Variants in C9 observed in about 807,000 individuals in gnomAD.
C9 encodes the protein complement component C9.
C9 carries 63 observed loss-of-function variants against 65.4 expected under a neutral mutation model. The observed-to-expected ratio is 0.96, with a 90% confidence interval of 0.79 to 1.19. C9 has a LOEUF of 1.19. Among genes scored for constraint, C9 ranks in the 50% most tolerant of loss-of-function variants. The probability of loss-of-function intolerance (pLI) is 0.00; values close to 1 mark genes in which losing one functional copy is unlikely to be tolerated. For synonymous variants in C9, 229 were observed against 227.9 expected, an observed-to-expected ratio of 1.00 and a Z score of -0.04; for missense variants, 744 against 670.1, an observed-to-expected ratio of 1.11 and a Z score of -1.22.
chr5:39,341,999 G>T, intron 2 of C9, 92 bp downstream of exon 2: 1 of 824,036 alleles, frequency 1.2e-6, no homozygotes. Context: ...ACTCAGTTGT[G>T]GGGCTCCCTG....
intron 9 of C9, among the ~76,000 whole-genome samples, chr5:39,304,001 T>C (rs1179084734): frequency 6.6e-6 from 1 of 152,206 alleles, no homozygotes; most frequent in Non-Finnish European, 1.5e-5. Flanking sequence ...TTAATCTTTT[T>C]AAAATGTGTG....
At chr5:39,295,030 C>A (rs959167002) in intron 9 of C9, among the ~76,000 whole-genome samples, 48 of 151,794 alleles carry the variant, frequency 3.2e-4, no homozygotes, top group African/African-American at 1.1e-3. Context: ...GATACAAATT[C>A]TCGATAAATT....
At chr5:39,305,037 A>G (rs976548526) in intron 9 of C9, among the ~76,000 whole-genome samples, 1 of 152,178 alleles carries the variant, frequency 6.6e-6, no homozygotes, top group Admixed American at 6.6e-5. Context: ...AGATGAGAAA[A>G]TAAGCCTCCT....
chr5:39,313,369 C>G (rs1436047513), intron 6 of C9, among the ~76,000 whole-genome samples: 1 of 151,860 alleles, frequency 6.6e-6, no homozygotes, highest in Admixed American at 6.6e-5. Context: ...AGCCTATGAT[C>G]ACTTCTTAGC....
At chr5:39,298,926 T>C (rs1753234355) in intron 9 of C9, among the ~76,000 whole-genome samples, 1 of 151,832 alleles carries the variant, frequency 6.6e-6, no homozygotes, top group South Asian at 2.1e-4. Context: ...CATAACAACT[T>C]ATTAAAAGTG....
chr5:39,324,913 G>A (rs1753723858), intron 5 of C9, among the ~76,000 whole-genome samples: 12 of 152,096 alleles, frequency 7.9e-5, no homozygotes, highest in Admixed American at 7.9e-4. Context: ...TGTTCTAGGA[G>A]GCCAGACATA....
intron 10 of C9, among the ~76,000 whole-genome samples, chr5:39,287,586 A>G (rs644771): frequency 0.4 from 60,381 of 151,854 alleles, 13,386 homozygotes; most frequent in Middle Eastern, 0.59. Context: ...ATGTCCATCA[A>G]TGGATGATTG....
chr5:39,345,909 T>G (rs201963062), intron 1 of C9, among the ~76,000 whole-genome samples: 1 of 152,058 alleles, frequency 6.6e-6, no homozygotes, highest in Non-Finnish European at 1.5e-5. Flanking sequence ...ACAACCTGCT[T>G]CTGAATGACT....
intron 4 of C9, among the ~76,000 whole-genome samples, chr5:39,337,380 G>A (rs1362463835): frequency 1.3e-5 from 2 of 152,190 alleles, no homozygotes; most frequent in Non-Finnish European, 2.9e-5. Context: ...GCACAACAAA[G>A]GAAGAAATGT....
intron 4 of C9, among the ~76,000 whole-genome samples, chr5:39,335,610 A>T (rs892924705): frequency 6.6e-6 from 1 of 152,196 alleles, no homozygotes; most frequent in African/African-American, 2.4e-5. Context: ...GTACATAGGT[A>T]TGTGCGAATA....
intron 7 of C9, among the ~76,000 whole-genome samples, chr5:39,308,973 T>C (rs113511039): frequency 2.6e-5 from 4 of 152,178 alleles, no homozygotes; most frequent in Admixed American, 6.6e-5. Flanking sequence ...TCATCCTTAA[T>C]GTAGCTGGTT....
intron 9 of C9, among the ~76,000 whole-genome samples, chr5:39,303,378 A>G (rs1023398443): frequency 1.3e-5 from 2 of 152,134 alleles, no homozygotes; most frequent in African/African-American, 4.8e-5. Context: ...ACATTCCTCA[A>G]GAAGTGGTTT....
intron 1 of C9, among the ~76,000 whole-genome samples, chr5:39,356,041 G>C (rs1012911161): frequency 1.3e-5 from 2 of 152,114 alleles, no homozygotes; most frequent in African/African-American, 4.8e-5. Context: ...GCAGAGGATG[G>C]GGGGAGATCA....
intron 9 of C9, among the ~76,000 whole-genome samples, chr5:39,301,407 A>AT (rs1256181624): frequency 6.6e-6 from 1 of 152,038 alleles, no homozygotes; most frequent in Non-Finnish European, 1.5e-5. Context: ...GAAAAAAAAA[A>AT]GGTTAAGGGA....
intron 1 of C9, among the ~76,000 whole-genome samples, chr5:39,351,040 C>T (rs774339244): frequency 1.4e-4 from 21 of 152,176 alleles, no homozygotes; most frequent in Non-Finnish European, 3.1e-4. Context: ...AGGTTGAGGT[C>T]CCCAACCTCA....
Position 39,285,018 on chromosome 5 carries a change from A to T in C9, c.*181T>A, listed in dbSNP as rs1752964978. The T allele has an allele frequency of 1.7e-6, 1 of 588,632 alleles. No homozygotes were observed. Among genetic ancestry groups the T allele is most frequent in the Non-Finnish European group, 3.1e-6 (1 of 325,686 alleles). The allele number at this position is 588,632 out of a possible 1,614,324, so 36.5% of individuals were successfully genotyped here. A position where few individuals can be genotyped will look rare whatever the true frequency, so the allele number is the denominator to read the frequency against. ...GAACAAAAAATGGAAACATCACAGG[A>T]GTTTAAGGAAGAAAAATTTAAAAAA... is the stretch of plus-strand genomic sequence containing the variant. On this transcript the variant is annotated 3_prime_UTR_variant, in exon 11 of 11. Coordinates refer to ENST00000263408, the MANE Select transcript of C9 (RefSeq NM_001737.5).
chr5:39,346,803 C>T (rs1176746719), intron 1 of C9, among the ~76,000 whole-genome samples: 3 of 152,196 alleles, frequency 2.0e-5, no homozygotes, highest in African/African-American at 2.4e-5. Context: ...TCCAGCAACA[C>T]ATCAAAAAGC....
intron 5 of C9, among the ~76,000 whole-genome samples, chr5:39,320,511 A>C (rs903089031): frequency 5.9e-5 from 9 of 152,192 alleles, no homozygotes; most frequent in Admixed American, 5.9e-4. Flanking sequence ...GAAATAGTGA[A>C]GAAGTCCTGT....
rs139844773 is a variant in C9 at position 39,284,803 on chromosome 5, G to T, written c.*396C>A. The stretch of plus-strand genomic sequence containing the variant: ...TAACAATGTAAATAAGAGTTAAATT[G>T]CATGGTACAGACGTGTGGTCATGGA... On this transcript the variant is annotated 3_prime_UTR_variant, in exon 11 of 11. Transcript: ENST00000263408. 4.5e-4 allele frequency: 82 copies of T among 183,834 alleles called. No homozygotes were observed. In the Middle Eastern group the frequency reaches 0.01, roughly 23 times the overall value. 11.4% of individuals were successfully genotyped at this position (183,834 alleles called of 1,614,324 possible).
Sources: gnomAD v4.1 joint callset for allele counts (sites outside exome capture counted in the v4.1 genomes callset) on GRCh38, gnomAD v4.1.1 for gene constraint, MANE v1.5 for transcripts, NCBI Gene and HGNC (gene_info 2026-07-23, HGNC 2026-07-21) for gene names.